The following PTPRT variants were observed in gnomAD, a reference collection of about 807,000 sequenced individuals.
PTPRT encodes the protein protein tyrosine phosphatase receptor type T.
In PTPRT, 56 loss-of-function variants were observed where a neutral mutation model predicts 176.8. The ratio of observed to expected loss-of-function variants is 0.32; its 90% CI spans 0.26 to 0.40. PTPRT has a LOEUF of 0.40. Among genes scored for constraint, PTPRT ranks in the 10% least tolerant of loss-of-function variants. The pLI is 1.00. For synonymous variants in PTPRT, 783 were observed against 739.0 expected (o/e 1.06, Z -0.96); for missense variants, 1,540 against 1,908.2 (o/e 0.81, Z 3.60).
At chr20:42,518,400 T>G (rs2072108641) in intron 7 of PTPRT, among the ~76,000 whole-genome samples, 1 of 152,130 alleles carries the variant, frequency 6.6e-6, no homozygotes, top group Non-Finnish European at 1.5e-5. Flanking sequence ...CCCTGTTTTG[T>G]GTTTTCTATT....
intron 7 of PTPRT, among the ~76,000 whole-genome samples, chr20:42,665,161 CA>C (rs1408026436): frequency 3.2e-4 from 49 of 151,938 alleles, no homozygotes; most frequent in African/African-American, 1.2e-3. Context: ...AGTGAACAGG[CA>C]ACCTACAGAA....
At chr20:42,604,139 G>C (rs1176520943) in intron 7 of PTPRT, among the ~76,000 whole-genome samples, 1 of 152,114 alleles carries the variant, frequency 6.6e-6, no homozygotes, top group African/African-American at 2.4e-5. Context: ...GCAGACATGG[G>C]GCCTAATCAG....
chr20:43,004,917 T>A (rs1984773481), intron 1 of PTPRT, among the ~76,000 whole-genome samples: 1 of 152,186 alleles, frequency 6.6e-6, no homozygotes, highest in Non-Finnish European at 1.5e-5. Flanking sequence ...AAATAACTTG[T>A]GTGGGAATTT....
chr20:42,244,644 C>T (rs1230228052), intron 14 of PTPRT, among the ~76,000 whole-genome samples: 1 of 152,136 alleles, frequency 6.6e-6, no homozygotes, highest in East Asian at 1.9e-4. Context: ...CATGGCCATG[C>T]TTTGAGCTTT....
At chr20:42,784,069 T>A (rs1325844685) in intron 3 of PTPRT, among the ~76,000 whole-genome samples, 1 of 152,256 alleles carries the variant, frequency 6.6e-6, no homozygotes, top group East Asian at 1.9e-4. Context: ...ATAGGCTTCA[T>A]TAGAGACCTC....
Position 43,062,251 on chromosome 20 carries a change from T to C in PTPRT, c.88+127395A>G, listed in dbSNP as rs375823378. 3.9e-4 allele frequency among the ~76,000 whole-genome samples: 60 copies of C among 152,374 alleles called. 1 individual carries two copies. The highest frequency in any genetic ancestry group is 1.4e-3 in the African/African-American group (57 of 41,592). ...TTATTGGATGTGACTAAAGCTGATATGTTTATGCAAAAACAAAGAAAAGCC... is the reference window on the plus strand; with the variant it reads ...TTATTGGATGTGACTAAAGCTGATACGTTTATGCAAAAACAAAGAAAAGCC... On this transcript the variant is annotated intron_variant, in intron 1 of 30. Coordinates refer to ENST00000373187, the MANE Select transcript of PTPRT (RefSeq NM_007050.6).
rs1982425335 is a variant in PTPRT, at chr20:42,072,836, ACATT to A, written c.*8039_*8042del. On this transcript the variant is annotated 3_prime_UTR_variant, in exon 31 of 31. Coordinates refer to ENST00000373187, the MANE Select transcript of PTPRT (RefSeq NM_007050.6). ...GCCATGTTACAAACATTGTCAGGGA[ACATT>A]TACAAGAATAAATAAGATGGACTTG... is the stretch of plus-strand genomic sequence containing the variant. 1 of 219,050 alleles carries A rather than the reference ACATT, an allele frequency of 4.6e-6. No homozygotes were observed. Among genetic ancestry groups the A allele is most frequent in the East Asian group, 6.7e-5 (1 of 14,914 alleles). The allele number at this position is 219,050 out of a possible 1,614,324, so 13.6% of individuals were successfully genotyped here. A position where few individuals can be genotyped will look rare whatever the true frequency, so the allele number is the denominator to read the frequency against.
chr20:42,242,530 G>A (rs1239846857), intron 14 of PTPRT, among the ~76,000 whole-genome samples: 5 of 152,208 alleles, frequency 3.3e-5, no homozygotes, highest in Non-Finnish European at 5.9e-5. Context: ...CAAAGGTCAG[G>A]AAGGGTTTAT....
At chr20:42,062,495 T>A in the PTPRT span, among the ~76,000 whole-genome samples, 1 of 152,314 alleles carries the variant, frequency 6.6e-6, no homozygotes, top group African/African-American at 2.4e-5. Flanking sequence ...TGTAGAGGGA[T>A]GTCTCTGCAG....
rs539461655 is a variant in PTPRT, at chr20:42,516,702, A to G, written c.1154-44140T>C. On this transcript the variant is annotated intron_variant, in intron 7 of 30. Coordinates refer to ENST00000373187, the MANE Select transcript of PTPRT (RefSeq NM_007050.6). ...ATACTTAGTTTTTGTAGATCCTGCC[A>G]TACGCTTCTGGTTTTCCAAAGTGGT... is the stretch of plus-strand genomic sequence containing the variant. Among the ~76,000 whole-genome samples the G allele has an allele frequency of 1.3e-4, 20 of 152,266 alleles. No homozygotes were observed. In the East Asian group the frequency reaches 2.5e-3, roughly 19 times the overall value.
intron 2 of PTPRT, among the ~76,000 whole-genome samples, chr20:42,800,445 GAAC>G (rs2077514179): frequency 6.6e-6 from 1 of 152,186 alleles, no homozygotes; most frequent in East Asian, 1.9e-4. Flanking sequence ...AGAGTAAAGA[GAAC>G]AACAGGGCTG....
chr20:42,351,981 C>T (rs2058290918), intron 10 of PTPRT, 103 bp downstream of exon 10: 1 of 1,090,942 alleles, frequency 9.2e-7, no homozygotes, highest in African/African-American at 1.6e-5. Flanking sequence ...CTAATTCCAC[C>T]CATATCACAG....
intron 7 of PTPRT, among the ~76,000 whole-genome samples, chr20:42,671,358 C>T (rs1341023453): frequency 6.6e-6 from 1 of 152,086 alleles, no homozygotes; most frequent in Non-Finnish European, 1.5e-5. Flanking sequence ...TGTAAACTTC[C>T]CATCAGAGGC....
intron 7 of PTPRT, among the ~76,000 whole-genome samples, chr20:42,479,891 G>A (rs1269028434): frequency 6.6e-6 from 1 of 152,154 alleles, no homozygotes; most frequent in Non-Finnish European, 1.5e-5. Flanking sequence ...ATAAATATAA[G>A]CAAGCATAGG....
intron 2 of PTPRT, among the ~76,000 whole-genome samples, chr20:42,820,524 C>A (rs1227004830): frequency 2.0e-5 from 3 of 151,862 alleles, no homozygotes; most frequent in Non-Finnish European, 4.4e-5. Context: ...GAGGCAAGAG[C>A]AAACTAATCC....
the PTPRT span, among the ~76,000 whole-genome samples, chr20:42,033,806 A>G: frequency 6.6e-6 from 1 of 152,336 alleles, no homozygotes; most frequent in South Asian, 2.1e-4. Flanking sequence ...TGTACTTGCC[A>G]GAAATATTGG....
At chr20:42,130,511 C>G (rs774305482) in intron 18 of PTPRT, among the ~76,000 whole-genome samples, 2 of 152,188 alleles carry the variant, frequency 1.3e-5, no homozygotes, top group Non-Finnish European at 2.9e-5. Context: ...AAATAGCTGA[C>G]AGGAGAGCCT....
At chr20:42,350,820 C>CA (rs1256970866) in intron 10 of PTPRT, 90 bp from the exon 11 acceptor site, 1 of 970,830 alleles carries the variant, frequency 1.0e-6, no homozygotes, top group African/African-American at 1.6e-5. Flanking sequence ...AAAGACACAG[C>CA]ATGGATAGAG....
intron 13 of PTPRT, among the ~76,000 whole-genome samples, chr20:42,278,026 G>A (rs1479193616): frequency 6.0e-5 from 8 of 132,902 alleles, no homozygotes; most frequent in African/African-American, 1.1e-4. Context: ...TTGCACTTAC[G>A]TCACTTAGAG....
Sources: allele counts gnomAD v4.1 joint callset (sites outside exome capture counted in the v4.1 genomes callset), GRCh38; gene constraint gnomAD v4.1.1; transcripts MANE v1.5; gene names NCBI Gene and HGNC (gene_info 2026-07-23, HGNC 2026-07-21).